The following RSPH1 variants were observed in gnomAD, a reference collection of about 807,000 sequenced individuals.
RSPH1 encodes radial spoke head 1 homolog.
In RSPH1, 32 loss-of-function variants were observed where a neutral mutation model predicts 44.2. The ratio of observed to expected loss-of-function variants is 0.72; its 90% CI spans 0.55 to 0.97. RSPH1 has a LOEUF of 0.97. RSPH1 is among the 50% of genes least tolerant of loss of function. RSPH1 has a pLI of 0.00. For missense variants in RSPH1, 391 were observed against 398.7 expected (o/e 0.98, Z 0.16); for synonymous variants, 134 against 147.3 (o/e 0.91, Z 0.65).
chr21:42,478,654 C>G lies in RSPH1; in HGVS notation c.574-1210G>C, dbSNP rs140715187. ...AAACATTTGACAGTTCTTCAAAAAG[C>G]GAAACAGCATCACCATATGACCCAG... On this transcript the variant is annotated intron_variant, in intron 6 of 8. Transcript: ENST00000291536. 4.5e-3 allele frequency among the ~76,000 whole-genome samples: 689 copies of G among 152,266 alleles called. 6 individuals carry two copies. Among genetic ancestry groups the G allele is most frequent in the African/African-American group, 0.016 (653 of 41,538 alleles).
In RSPH1 at chr21:42,492,983, C is replaced by T. The variant is rs369657833; in HGVS notation, c.151G>A (p.Gly51Ser). ...GTTCTGACCTGGCCATGTCTTTTACCGAATTCGTAGCTCCCTTCGTAGGTG... is the reference window on the plus strand; with the variant it reads ...GTTCTGACCTGGCCATGTCTTTTACTGAATTCGTAGCTCCCTTCGTAGGTG... ...GDTYEGSYEF[G>S]KRHGQGIYKF... Residue 51 changes from glycine to serine, a missense_variant, in exon 2 of 9, where the codon GGT becomes AGT. Gly to Ser is a moderately conservative substitution (Grantham distance 56). Coordinates refer to ENST00000291536, the MANE Select transcript of RSPH1 (RefSeq NM_080860.4). 5.7e-5 allele frequency: 92 copies of T among 1,614,120 alleles called. No individual in the cohort carries two copies. The highest frequency in any genetic ancestry group is 3.2e-4 in the African/African-American group (24 of 75,030).
rs1016582656 is a variant in RSPH1 at position 42,485,584 on chromosome 21, G to A, written c.501+85C>T. On this transcript the variant is annotated intron_variant, in intron 5 of 8. Coordinates refer to ENST00000291536, the MANE Select transcript of RSPH1 (RefSeq NM_080860.4). ...GGACTCAGTTTTCTCTGAGTTTTTG[G>A]TATTCTCTGGTCACACATTTGCACA... 8 of 1,504,592 alleles carry A rather than the reference G, an allele frequency of 5.3e-6. No homozygotes were observed. In the African/African-American group the frequency reaches 1.1e-4, roughly 21 times the overall value. 93.2% of individuals were successfully genotyped at this position (1,504,592 alleles called of 1,614,324 possible).
chr21:42,472,970 T>C, intron 8 of RSPH1, 100 bp from the exon 9 acceptor site: 1 of 793,418 alleles, frequency 1.3e-6, no homozygotes, highest in East Asian at 2.7e-5. Context: ...AAAATTATTG[T>C]AACTATTAAG....
rs1356469000 is a variant in RSPH1 at position 42,482,624 on chromosome 21, C to T, written c.573+13G>A. On this transcript the variant is annotated intron_variant, in intron 6 of 8. Transcript: ENST00000291536. ...TGTTAATGTAACAAAACCCTACATG[C>T]TCCGCAACTTACCATATCTGTTAAA... The T allele has an allele frequency of 1.8e-5, 29 of 1,597,232 alleles. No homozygotes were observed. The highest frequency in any genetic ancestry group is 1.7e-4 in the Middle Eastern group (1 of 6,042).
rs570128794 is a variant in RSPH1 at position 42,486,113 on chromosome 21, C to A, written c.365+258G>T. ...CAGGTCCCCCAGTGGCTCTTCTGTG[C>A]CCTCCACTCCCTGGGACTCTTGGGT... On this transcript the variant is annotated intron_variant, in intron 4 of 8. Transcript: ENST00000291536. 581 of 571,152 alleles carry A rather than the reference C, an allele frequency of 1.0e-3. 1 individual carries two copies. The highest frequency in any genetic ancestry group is 1.7e-3 in the Non-Finnish European group (544 of 319,328). The allele number at this position is 571,152 out of a possible 1,614,324, so 35.4% of individuals were successfully genotyped here.
rs78900688 is a variant in RSPH1, at chr21:42,475,786, C to T, written c.877+112G>A. 71,516 of 1,257,322 alleles carry T rather than the reference C, an allele frequency of 0.057. 2,279 individuals are homozygous for T. The highest frequency in any genetic ancestry group is 0.091 in the Middle Eastern group (450 of 4,966). The allele number at this position is 1,257,322 out of a possible 1,614,324, so 77.9% of individuals were successfully genotyped here. On this transcript the variant is annotated intron_variant, in intron 8 of 8. Coordinates refer to ENST00000291536, the MANE Select transcript of RSPH1 (RefSeq NM_080860.4). ...CACAGGGGGCCCCCTAAGCCTTCCT[C>T]GAGTCCCTGGGGCCCAGCTGAAGGC... is the stretch of plus-strand genomic sequence containing the variant.
At chr21:42,475,549 C>T (rs1414838478) in intron 8 of RSPH1, among the ~76,000 whole-genome samples, 1 of 142,468 alleles carries the variant, frequency 7.0e-6, no homozygotes, top group Non-Finnish European at 1.5e-5. Flanking sequence ...GCCTGGGTGA[C>T]ATAGCAAGAC....
At chr21:42,484,769 A>T (rs1397449823) in intron 5 of RSPH1, 1 of 152,146 alleles carries the variant, frequency 6.6e-6, no homozygotes, top group Non-Finnish European at 1.5e-5. Flanking sequence ...CCACCTTCCC[A>T]TCTCCTCCAA....
At chr21:42,472,973 C>A in intron 8 of RSPH1, 103 bp from the exon 9 acceptor site, 1 of 763,828 alleles carries the variant, frequency 1.3e-6, no homozygotes, top group South Asian at 1.8e-5. Context: ...ATTATTGTAA[C>A]TATTAAGCAT....
intron 5 of RSPH1, among the ~76,000 whole-genome samples, chr21:42,483,689 C>CGG: frequency 6.6e-6 from 1 of 151,988 alleles, no homozygotes; most frequent in Non-Finnish European, 1.5e-5. Context: ...AAAGCTAAAC[C>CGG]TATTGGTTTT....
Position 42,474,476 on chromosome 21 carries a change from G to GC in RSPH1, c.877+1421dup, listed in dbSNP as rs1247442819. 6.6e-6 allele frequency among the ~76,000 whole-genome samples: 1 copy of GC among 152,206 alleles called. No individual in the cohort carries two copies. Among genetic ancestry groups the GC allele is most frequent in the Non-Finnish European group, 1.5e-5 (1 of 68,034 alleles). ...TTAGGTGCTAGAGGGCGAGAGCCCA[G>GC]CCCCTCACTCCCACACTGCCTATCA... On this transcript the variant is annotated intron_variant, in intron 8 of 8. Transcript: ENST00000291536. This position sits in a 1 kb window ranked among gnomAD's most constrained non-coding sequence, Gnocchi z 5.2.
At chr21:42,492,373 C>T (rs556005237) in intron 3 of RSPH1, among the ~76,000 whole-genome samples, 2 of 152,346 alleles carry the variant, frequency 1.3e-5, no homozygotes, top group Admixed American at 6.5e-5. Flanking sequence ...ATAACACATC[C>T]GTCAGATGGC....
rs5844123 is a variant in RSPH1 at position 42,473,489 on chromosome 21, TAA to T, written c.878-621_878-620del. On this transcript the variant is annotated intron_variant, in intron 8 of 8. Transcript: ENST00000291536. ...TGAGCAACAGAGCAAGATTCCATCT[TAA>T]AAAAAAAAAAAAAAAAAGCAGAAAT... 3.5e-3 allele frequency among the ~76,000 whole-genome samples: 445 copies of T among 125,428 alleles called. 2 individuals carry two copies. The highest frequency in any genetic ancestry group is 3.5e-3 in the Non-Finnish European group (210 of 59,860). The allele number at this position is 125,428 out of a possible 152,430, so 82.3% of individuals were successfully genotyped here.
intron 8 of RSPH1, among the ~76,000 whole-genome samples, chr21:42,475,281 C>T (rs1601622665): frequency 6.6e-6 from 1 of 152,170 alleles, no homozygotes; most frequent in African/African-American, 2.4e-5. Flanking sequence ...AACCATACTC[C>T]TGTTAGTCAG....
At chr21:42,492,172 T>C (rs936391760) in intron 3 of RSPH1, among the ~76,000 whole-genome samples, 1 of 152,234 alleles carries the variant, frequency 6.6e-6, no homozygotes, top group Non-Finnish European at 1.5e-5. Context: ...ATATCACTAA[T>C]GTGGTCACAC....
At chr21:42,487,311 G>C (rs1419675076) in intron 3 of RSPH1, among the ~76,000 whole-genome samples, 1 of 152,086 alleles carries the variant, frequency 6.6e-6, no homozygotes, top group East Asian at 1.9e-4. Context: ...ACTTAATAGA[G>C]GTCTCCCAAA....
chr21:42,473,870 T>C (rs541806133), intron 8 of RSPH1, among the ~76,000 whole-genome samples: 20 of 152,070 alleles, frequency 1.3e-4, no homozygotes, highest in Admixed American at 1.2e-3. Context: ...CTCACCAGCC[T>C]CCCAAGTCTC....
At chr21:42,494,246 A>G (rs759050158) in intron 1 of RSPH1, among the ~76,000 whole-genome samples, 1 of 152,076 alleles carries the variant, frequency 6.6e-6, no homozygotes, top group Non-Finnish European at 1.5e-5. Context: ...TTAAATATAC[A>G]TAATAAAATT....
chr21:42,482,798 C>A, intron 5 of RSPH1, 90 bp from the exon 6 acceptor site: 2 of 895,890 alleles, frequency 2.2e-6, no homozygotes, highest in Non-Finnish European at 1.8e-6. Context: ...CACCTCAAAT[C>A]ACCAAATTGG....
Sources: gnomAD v4.1 joint callset for allele counts (sites outside exome capture counted in the v4.1 genomes callset) on GRCh38, gnomAD v4.1.1 for gene constraint, Gnocchi (gnomAD v3.1) non-coding constraint, MANE v1.5 for transcripts, NCBI Gene and HGNC (gene_info 2026-07-23, HGNC 2026-07-21) for gene names.